EEA1: variants seen among roughly 807,000 people sequenced by gnomAD.
EEA1 encodes early endosome antigen 1, 162kD.
Under a neutral mutation model 209.2 loss-of-function variants are expected in EEA1, and 111 were observed. The observed-to-expected ratio is 0.53, with a 90% confidence interval of 0.45 to 0.62. The LOEUF (loss-of-function observed/expected upper bound fraction) is 0.62. Ranked by LOEUF, EEA1 falls within the 20% of genes least tolerant of loss-of-function variation. EEA1 has a pLI of 0.00. For synonymous variants in EEA1, 536 were observed against 540.6 expected, an observed-to-expected ratio of 0.99 and a Z score of 0.12; for missense variants, 1,343 against 1,530.8, an observed-to-expected ratio of 0.88 and a Z score of 2.05.
intron 1 of EEA1, among the ~76,000 whole-genome samples, chr12:92,900,196 C>A (rs1348327392): frequency 6.6e-6 from 1 of 152,128 alleles, no homozygotes; most frequent in African/African-American, 2.4e-5. Flanking sequence ...AATGACGTAT[C>A]CTTAGCTATC....
intron 21 of EEA1, among the ~76,000 whole-genome samples, chr12:92,796,714 CTT>C (rs1874667517): frequency 1.3e-5 from 2 of 152,146 alleles, no homozygotes; most frequent in Non-Finnish European, 2.9e-5. Flanking sequence ...ACAATGATAA[CTT>C]TGTCATGGCC....
chr12:92,808,540 T>A (rs1875327574), intron 18 of EEA1, among the ~76,000 whole-genome samples: 1 of 151,262 alleles, frequency 6.6e-6, no homozygotes, highest in South Asian at 2.1e-4. Flanking sequence ...TGGAGTGCAG[T>A]GGTGTGACAG....
chr12:92,813,193 T>C, intron 15 of EEA1, 100 bp from the exon 16 acceptor site: 1 of 691,258 alleles, frequency 1.4e-6, no homozygotes, highest in Non-Finnish European at 2.2e-6. Context: ...TATTTAAAAA[T>C]TAAGTCCTTG....
chr12:92,790,814 A>G (rs550808432), intron 21 of EEA1, among the ~76,000 whole-genome samples: 1 of 152,162 alleles, frequency 6.6e-6, no homozygotes, highest in Non-Finnish European at 1.5e-5. Context: ...TCCAAGACAC[A>G]TAATTGTCAG....
At chr12:92,796,065 C>T (rs1388151752) in intron 21 of EEA1, among the ~76,000 whole-genome samples, 1 of 151,866 alleles carries the variant, frequency 6.6e-6, no homozygotes, top group Non-Finnish European at 1.5e-5. Context: ...GAACTCAAAT[C>T]CATTAGTGAA....
chr12:92,843,344 A>G (rs1778957355), intron 9 of EEA1, among the ~76,000 whole-genome samples: 1 of 151,996 alleles, frequency 6.6e-6, no homozygotes, highest in African/African-American at 2.4e-5. Context: ...TTTTCTGTTG[A>G]GACAGGGTCT....
In EEA1 at chr12:92,774,390, A is replaced by G. The variant is rs1247991529; in HGVS notation, c.*1621T>C. ...TTTAGTTTACATACACTGTAGGTAT[A>G]GCATGAATATAATTTCATTTCAGAA... On this transcript the variant is annotated 3_prime_UTR_variant, in exon 29 of 29. Coordinates refer to ENST00000322349, the MANE Select transcript of EEA1 (RefSeq NM_003566.4). The G allele has an allele frequency of 6.6e-6, 1 of 151,544 alleles. No individual in the cohort carries two copies. The highest frequency in any genetic ancestry group is 1.9e-4 in the East Asian group (1 of 5,202). 9.4% of individuals were successfully genotyped at this position (151,544 alleles called of 1,614,324 possible).
chr12:92,790,215 C>T (rs1874336599), intron 21 of EEA1, among the ~76,000 whole-genome samples: 1 of 152,148 alleles, frequency 6.6e-6, no homozygotes, highest in Non-Finnish European at 1.5e-5. Context: ...AAAATCAGAG[C>T]ACCTCTTCTC....
At chr12:92,823,558 T>G (rs980094879) in intron 13 of EEA1, among the ~76,000 whole-genome samples, 5 of 152,306 alleles carry the variant, frequency 3.3e-5, no homozygotes, top group African/African-American at 1.2e-4. Flanking sequence ...AGGTAACTAT[T>G]CTCTATGCTA....
intron 2 of EEA1, chr12:92,884,164 A>C: frequency 7.7e-7 from 1 of 1,303,490 alleles, no homozygotes. Context: ...GAAAAATTGA[A>C]GTGACTCAAA....
intron 1 of EEA1, among the ~76,000 whole-genome samples, chr12:92,897,981 A>G (rs1352446429): frequency 6.6e-6 from 1 of 152,184 alleles, no homozygotes; most frequent in Non-Finnish European, 1.5e-5. Flanking sequence ...GTGAAACCAA[A>G]GAATTTATGT....
intron 1 of EEA1, among the ~76,000 whole-genome samples, chr12:92,896,725 C>T (rs1472709191): frequency 4.0e-5 from 6 of 150,968 alleles, no homozygotes; most frequent in East Asian, 3.9e-4. Context: ...CGCTTGAATC[C>T]GGGAGGTGGA....
At position 92,798,342 on chromosome 12, in the gene EEA1, A is replaced by AT. The variant is rs111414126; in HGVS notation, c.2967+549dup. ...TTATTTCCTTAAGTGTTACATTATT[A>AT]TTATTATTATTTTTTTTTGAGACAG... is the stretch of plus-strand genomic sequence containing the variant. On this transcript the variant is annotated intron_variant, in intron 21 of 28. Coordinates refer to ENST00000322349, the MANE Select transcript of EEA1 (RefSeq NM_003566.4). Among the ~76,000 whole-genome samples, 581 of 135,458 alleles carry AT rather than the reference A, an allele frequency of 4.3e-3. 6 individuals are homozygous for AT. The highest frequency in any genetic ancestry group is 0.014 in the Middle Eastern group (4 of 276). 88.9% of individuals were successfully genotyped at this position (135,458 alleles called of 152,430 possible).
At chr12:92,786,764 A>G (rs1874152296) in intron 22 of EEA1, among the ~76,000 whole-genome samples, 1 of 152,038 alleles carries the variant, frequency 6.6e-6, no homozygotes, top group Admixed American at 6.6e-5. Context: ...CTAAAGTACT[A>G]TTTTCTTCAT....
chr12:92,859,093 A>T, intron 3 of EEA1: 2 of 875,640 alleles, frequency 2.3e-6, no homozygotes, highest in Non-Finnish European at 3.7e-6. Context: ...TTTCCATTAT[A>T]GTACCTCTCA....
chr12:92,873,844 A>G (rs1878757654), intron 2 of EEA1, among the ~76,000 whole-genome samples: 1 of 152,250 alleles, frequency 6.6e-6, no homozygotes, highest in African/African-American at 2.4e-5. Context: ...GAAAACATTC[A>G]GTAAATGTTA....
At chr12:92,809,414 G>A (rs1002099819) in intron 17 of EEA1, among the ~76,000 whole-genome samples, 2 of 151,448 alleles carry the variant, frequency 1.3e-5, no homozygotes, top group Middle Eastern at 3.4e-3. Flanking sequence ...GGCTGGGCGC[G>A]GTGGCTCACA....
intron 18 of EEA1, among the ~76,000 whole-genome samples, chr12:92,803,021 C>T (rs1875003716): frequency 6.6e-6 from 1 of 152,074 alleles, no homozygotes; most frequent in East Asian, 1.9e-4. Context: ...CACAACTAAT[C>T]CCGAGGAAAA....
chr12:92,808,937 A>C, intron 18 of EEA1, 80 bp downstream of exon 18: 1 of 1,326,390 alleles, frequency 7.5e-7, no homozygotes, highest in East Asian at 2.5e-5. Context: ...CTACGATAGC[A>C]AAATTTAAAT....
Sources: gnomAD v4.1 joint callset for allele counts (sites outside exome capture counted in the v4.1 genomes callset) on GRCh38, gnomAD v4.1.1 for gene constraint, MANE v1.5 for transcripts, NCBI Gene and HGNC (gene_info 2026-07-23, HGNC 2026-07-21) for gene names.